The following RCHY1 variants were observed in gnomAD, a reference collection of about 807,000 sequenced individuals.
RCHY1 encodes RING finger and CHY zinc finger domain-containing protein 1.
A neutral mutation model predicts 41.6 loss-of-function variants in RCHY1; 21 were observed. That is an observed-to-expected ratio of 0.51 (90% confidence interval 0.36 to 0.73). The LOEUF is 0.73. RCHY1 is among the 30% of genes least tolerant of loss of function. The pLI is 0.00. For synonymous variants in RCHY1, 79 were observed against 102.9 expected, an observed-to-expected ratio of 0.77 and a Z score of 1.41; for missense variants, 265 against 325.3, an observed-to-expected ratio of 0.81 and a Z score of 1.43.
intron 8 of RCHY1, among the ~76,000 whole-genome samples, chr4:75,484,463 C>G (rs1223020006): frequency 1.3e-5 from 2 of 152,032 alleles, no homozygotes; most frequent in African/African-American, 4.8e-5. Context: ...GGCAAAACAG[C>G]AGGGGGTGGG....
chr4:75,502,055 A>T (rs1035822498), intron 3 of RCHY1, among the ~76,000 whole-genome samples: 4 of 151,712 alleles, frequency 2.6e-5, no homozygotes, highest in Non-Finnish European at 5.9e-5. Flanking sequence ...CTGGGCAACA[A>T]GAGTGAAACT....
chr4:75,487,592 AAT>A (rs374406012), intron 8 of RCHY1, among the ~76,000 whole-genome samples: 3 of 55,546 alleles, frequency 5.4e-5, no homozygotes, highest in Non-Finnish European at 9.0e-5. Context: ...ATATATTCAT[AAT>A]ATATATTCAT....
chr4:75,508,485 T>C (rs898584551), intron 3 of RCHY1, among the ~76,000 whole-genome samples: 5 of 152,120 alleles, frequency 3.3e-5, no homozygotes, highest in Admixed American at 3.3e-4. Flanking sequence ...AAAGGAAAAA[T>C]TTATCCCAAT....
At position 75,479,329 on chromosome 4, in the gene RCHY1, A is replaced by C. The variant is rs575318337; in HGVS notation, c.*3209T>G. 1 of 152,128 alleles carries C rather than the reference A, an allele frequency of 6.6e-6. No individual in the cohort carries two copies. The highest frequency in any genetic ancestry group is 1.5e-5 in the Non-Finnish European group (1 of 67,980). The allele number at this position is 152,128 out of a possible 1,614,324, so 9.4% of individuals were successfully genotyped here. ...TAGTTTTGAACAACTCCCATTTAAA[A>C]TTAATTCATTTCAAATTAAACTATT... On this transcript the variant is annotated 3_prime_UTR_variant, in exon 9 of 9. Coordinates refer to ENST00000324439, the MANE Select transcript of RCHY1 (RefSeq NM_015436.4).
chr4:75,507,617 G>A (rs549802254), intron 3 of RCHY1, among the ~76,000 whole-genome samples: 2 of 152,102 alleles, frequency 1.3e-5, no homozygotes, highest in Non-Finnish European at 1.5e-5. Flanking sequence ...TGACTTAAAT[G>A]TAAGTATACA....
chr4:75,483,172 A>G (rs1721665390), intron 8 of RCHY1, among the ~76,000 whole-genome samples: 2 of 152,208 alleles, frequency 1.3e-5, no homozygotes, highest in South Asian at 2.1e-4. Flanking sequence ...TTGAGTAAAC[A>G]GAGAGGCTCT....
intron 1 of RCHY1, 173 bp downstream of exon 1, chr4:75,514,024 G>T: frequency 1.0e-6 from 1 of 973,022 alleles, no homozygotes; most frequent in Non-Finnish European, 1.5e-6. Context: ...GAAAGGTGGG[G>T]CTTATCGCCT....
rs181293743 is a variant in RCHY1 at position 75,484,110 on chromosome 4, A to G, written c.658-1444T>C. 3.8e-3 allele frequency among the ~76,000 whole-genome samples: 577 copies of G among 152,254 alleles called. 4 individuals carry two copies. Among genetic ancestry groups the G allele is most frequent in the Non-Finnish European group, 3.4e-3 (228 of 68,030 alleles). ...CTGTTTCTCAATTAAGTTCTGTTAA[A>G]TTTAATTTGTGTAAGGTTTTGCTTC... On this transcript the variant is annotated intron_variant, in intron 8 of 8. Coordinates refer to ENST00000324439, the MANE Select transcript of RCHY1 (RefSeq NM_015436.4).
chr4:75,489,022 C>G (rs1423277079), intron 8 of RCHY1, among the ~76,000 whole-genome samples: 1 of 151,960 alleles, frequency 6.6e-6, no homozygotes, highest in Admixed American at 6.6e-5. Context: ...TTGCAGTGAG[C>G]CGAGATTGTG....
rs893723133 is a variant in RCHY1 at position 75,480,967 on chromosome 4, A to C, written c.*1571T>G. ...GATCACTTCACTACACTCTAGCCTAAATGACAGAGCAAAACCACTTCAAAA... is the reference window on the plus strand; with the variant it reads ...GATCACTTCACTACACTCTAGCCTACATGACAGAGCAAAACCACTTCAAAA... On this transcript the variant is annotated 3_prime_UTR_variant, in exon 9 of 9. Transcript: ENST00000324439. 1 of 152,232 alleles carries C rather than the reference A, an allele frequency of 6.6e-6. No individual in the cohort carries two copies. The highest frequency in any genetic ancestry group is 6.6e-5 in the Admixed American group (1 of 15,260). 9.4% of individuals were successfully genotyped at this position (152,232 alleles called of 1,614,324 possible).
At chr4:75,488,821 A>C (rs1722479557) in intron 8 of RCHY1, among the ~76,000 whole-genome samples, 1 of 152,116 alleles carries the variant, frequency 6.6e-6, no homozygotes, top group Non-Finnish European at 1.5e-5. Context: ...TCACTCCTAT[A>C]ATCCCAGCAC....
chr4:75,505,437 A>C (rs539383221), intron 3 of RCHY1, among the ~76,000 whole-genome samples: 1 of 152,352 alleles, frequency 6.6e-6, no homozygotes, highest in Admixed American at 6.5e-5. Context: ...TGTACTTTGC[A>C]GTAACAATAA....
chr4:75,507,215 A>C (rs927806756), intron 3 of RCHY1, among the ~76,000 whole-genome samples: 1 of 152,110 alleles, frequency 6.6e-6, no homozygotes, highest in African/African-American at 2.4e-5. Context: ...TAGAAACGGT[A>C]AATATATAAC....
intron 8 of RCHY1, among the ~76,000 whole-genome samples, 188 bp from the exon 9 acceptor site, chr4:75,482,854 G>C (rs3775531): frequency 0.35 from 52,580 of 150,798 alleles, 9,274 homozygotes; most frequent in African/African-American, 0.4. Context: ...AGGTGGCTCT[G>C]AATTCAGAAA....
In RCHY1 at chr4:75,514,310, C is replaced by T; in HGVS notation, c.-24G>A. 3.1e-6 allele frequency: 5 copies of T among 1,602,534 alleles called. No individual in the cohort carries two copies. The highest frequency in any genetic ancestry group is 4.3e-6 in the Non-Finnish European group (5 of 1,171,062). ...ATCTCCTCCACCTCCCCTCACATTC[C>T]ACCGATCCTTCCCCCAGGATAAAAA... On this transcript the variant is annotated 5_prime_UTR_variant, in exon 1 of 9. Transcript: ENST00000324439.
intron 3 of RCHY1, among the ~76,000 whole-genome samples, chr4:75,498,481 C>CAAAAAAAAAAAAAAAAAAAAAAAA (rs57789217): frequency 1.5e-5 from 1 of 68,778 alleles, no homozygotes; most frequent in African/African-American, 4.9e-5. Flanking sequence ...CAATCCTGAG[C>CAAAAAAAAAAAAAAAAAAAAAAAA]AAAAAAAAAA....
chr4:75,491,407 T>G, intron 7 of RCHY1: 1 of 431,654 alleles, frequency 2.3e-6, no homozygotes. Context: ...GAGACAAGAT[T>G]TAAGAGAAAC....
intron 3 of RCHY1, among the ~76,000 whole-genome samples, chr4:75,500,313 T>G (rs981970073): frequency 6.6e-6 from 1 of 152,216 alleles, no homozygotes; most frequent in Non-Finnish European, 1.5e-5. Flanking sequence ...TGTCTTATAA[T>G]AAGCTCTGGT....
intron 4 of RCHY1, 81 bp downstream of exon 4, chr4:75,494,020 T>C (rs1476497501): frequency 1.2e-6 from 1 of 800,490 alleles, no homozygotes; most frequent in African/African-American, 1.8e-5. Flanking sequence ...AAAATTAGCA[T>C]GCTTCCAAAA....
Sources: gnomAD v4.1 joint callset for allele counts (sites outside exome capture counted in the v4.1 genomes callset) on GRCh38, gnomAD v4.1.1 for gene constraint, MANE v1.5 for transcripts, NCBI Gene and HGNC (gene_info 2026-07-23, HGNC 2026-07-21) for gene names.